Variants in MRTFB observed in about 807,000 individuals in gnomAD.
The protein encoded by MRTFB is myocardin-related transcription factor B.
In MRTFB, 29 loss-of-function variants were observed where a neutral mutation model predicts 104.2. That is an observed-to-expected ratio of 0.28 (90% confidence interval 0.21 to 0.38). The LOEUF (loss-of-function observed/expected upper bound fraction) is 0.38. MRTFB is among the 10% of genes least tolerant of loss of function. The probability of loss-of-function intolerance (pLI) is 1.00; values close to 1 mark genes in which losing one functional copy is unlikely to be tolerated. For missense variants in MRTFB, 1,270 were observed against 1,341.6 expected (o/e 0.95, Z 0.83); for synonymous variants, 535 against 519.5 (o/e 1.03, Z -0.41).
At chr16:14,029,417 AAAATAT>A in the MRTFB span, among the ~76,000 whole-genome samples, 21 of 70,444 alleles carry the variant, frequency 3.0e-4, no homozygotes, top group African/African-American at 4.5e-4. Flanking sequence ...AAAAAAAAAA[AAAATAT>A]ATATATATAT....
At chr16:14,079,729 A>G (rs2034281096) in intron 2 of MRTFB, among the ~76,000 whole-genome samples, 1 of 151,842 alleles carries the variant, frequency 6.6e-6, no homozygotes, top group Non-Finnish European at 1.5e-5. Flanking sequence ...TTTTGGTGAG[A>G]TACGAACACT....
At chr16:14,071,131 C>A (rs1262678471), upstream of MRTFB, among the ~76,000 whole-genome samples, 2 of 152,278 alleles carry the variant, frequency 1.3e-5, no homozygotes, top group African/African-American at 4.8e-5. Context: ...TGGGCTTTAA[C>A]CCTTCCCAGT....
rs2043812122 is a variant in MRTFB at position 14,262,488 on chromosome 16, G to A, written c.*1044G>A. 1 of 152,206 alleles carries A rather than the reference G, an allele frequency of 6.6e-6. No individual in the cohort carries two copies. Among genetic ancestry groups the A allele is most frequent in the African/African-American group, 2.4e-5 (1 of 41,442 alleles). 9.4% of individuals were successfully genotyped at this position (152,206 alleles called of 1,614,324 possible). A position where few individuals can be genotyped will look rare whatever the true frequency, so the allele number is the denominator to read the frequency against. Reference sequence around the variant, plus strand: ...AGGGGAAGGTCTGTCATCTACCCAGGACATTCCCATGATGAGTACAGGTCA... The same window carrying A: ...AGGGGAAGGTCTGTCATCTACCCAGAACATTCCCATGATGAGTACAGGTCA... On this transcript the variant is annotated 3_prime_UTR_variant, in exon 17 of 17. Transcript: ENST00000571589.
chr16:14,070,358 TACAA>T (rs1328357141), upstream of MRTFB, among the ~76,000 whole-genome samples: 1 of 152,234 alleles, frequency 6.6e-6, no homozygotes, highest in Non-Finnish European at 1.5e-5. Context: ...CCTTCCTCTT[TACAA>T]ACAATTATTA....
At chr16:14,000,057 G>A in the MRTFB span, among the ~76,000 whole-genome samples, 4 of 152,170 alleles carry the variant, frequency 2.6e-5, no homozygotes, top group Admixed American at 1.3e-4. Flanking sequence ...GGAGGAGAGG[G>A]TGCCTGTTTC....
chr16:14,213,058 C>T (rs936141115), intron 5 of MRTFB, among the ~76,000 whole-genome samples: 2 of 152,132 alleles, frequency 1.3e-5, no homozygotes, highest in Non-Finnish European at 2.9e-5. Flanking sequence ...TGATTTCTTA[C>T]AGTCTTATAA....
At chr16:14,158,432 A>G (rs1229304028) in intron 3 of MRTFB, among the ~76,000 whole-genome samples, 1 of 152,224 alleles carries the variant, frequency 6.6e-6, no homozygotes, top group African/African-American at 2.4e-5. Flanking sequence ...AAAACCTATA[A>G]ATTGAGGGTC....
At chr16:14,098,992 C>T (rs2035547082) in intron 2 of MRTFB, among the ~76,000 whole-genome samples, 1 of 152,178 alleles carries the variant, frequency 6.6e-6, no homozygotes, top group South Asian at 2.1e-4. Flanking sequence ...TATAATGAGT[C>T]TTGAAATCTA....
At chr16:14,093,268 G>A (rs1477599544) in intron 2 of MRTFB, among the ~76,000 whole-genome samples, 5 of 151,144 alleles carry the variant, frequency 3.3e-5, no homozygotes, top group Admixed American at 1.3e-4. Context: ...ACAAATTAAA[G>A]CATAAATACA....
the MRTFB span, among the ~76,000 whole-genome samples, chr16:14,027,236 T>G: frequency 7.9e-5 from 12 of 152,142 alleles, no homozygotes; most frequent in Admixed American, 7.2e-4. Context: ...ACAATTTGAG[T>G]GAACCTCAAG....
chr16:14,222,069 C>T lies in MRTFB; in HGVS notation c.693+3071C>T, dbSNP rs140849823. ...TGCTGGGATTACAGGAATGAGCCGC[C>T]GCACCTGGCCCATTTAATTTTCGAT... On this transcript the variant is annotated intron_variant, in intron 8 of 16. Coordinates refer to ENST00000571589, the MANE Select transcript of MRTFB (RefSeq NM_001308142.2). Among the ~76,000 whole-genome samples the T allele has an allele frequency of 4.1e-3, 620 of 152,128 alleles. 2 individuals are homozygous for T. Among genetic ancestry groups the T allele is most frequent in the South Asian group, 8.7e-3 (42 of 4,808 alleles).
rs368353587 is a variant in MRTFB at position 14,240,521 on chromosome 16, T to C, written c.1079+37T>C. On this transcript the variant is annotated intron_variant, in intron 10 of 16. Coordinates refer to ENST00000571589, the MANE Select transcript of MRTFB (RefSeq NM_001308142.2). ...CCCATGCTATCCTCAACGCGGGGTT[T>C]TCTGTGGTTTTTTATGAGGAACTAT... 18 of 1,614,180 alleles carry C rather than the reference T, an allele frequency of 1.1e-5. No homozygotes were observed. The East Asian group carries it at 3.1e-4, about 28-fold the overall frequency.
At chr16:14,043,475 T>G in the MRTFB span, among the ~76,000 whole-genome samples, 1 of 152,146 alleles carries the variant, frequency 6.6e-6, no homozygotes. Context: ...GGATGCCAGC[T>G]GCTAGCATGT....
chr16:14,157,079 G>A (rs760308293), intron 3 of MRTFB, among the ~76,000 whole-genome samples: 2 of 152,118 alleles, frequency 1.3e-5, no homozygotes, highest in Non-Finnish European at 2.9e-5. Flanking sequence ...TCTATAGTTT[G>A]CATTTTTCAT....
intron 10 of MRTFB, chr16:14,241,029 A>C: frequency 2.0e-6 from 1 of 500,652 alleles, no homozygotes; most frequent in Admixed American, 3.8e-5. Flanking sequence ...GAATCTGATT[A>C]ATTTTTAAGT....
the MRTFB span, among the ~76,000 whole-genome samples, chr16:13,999,793 A>G: frequency 1.3e-5 from 2 of 152,298 alleles, no homozygotes; most frequent in African/African-American, 2.4e-5. Flanking sequence ...GGCCTCCACC[A>G]GTTAAATGCT....
At chr16:14,150,994 A>C (rs1298435213) in intron 3 of MRTFB, 2 of 152,198 alleles carry the variant, frequency 1.3e-5, no homozygotes, top group Non-Finnish European at 1.5e-5. Flanking sequence ...TTTTACTTCT[A>C]TGTGCAATTT....
At chr16:14,201,426 G>A (rs916397990) in intron 3 of MRTFB, among the ~76,000 whole-genome samples, 1 of 152,184 alleles carries the variant, frequency 6.6e-6, no homozygotes, top group Non-Finnish European at 1.5e-5. Context: ...TGGTAAGAGT[G>A]AGCACTTTGG....
At chr16:14,053,287 T>C in the MRTFB span, among the ~76,000 whole-genome samples, 1 of 152,182 alleles carries the variant, frequency 6.6e-6, no homozygotes, top group East Asian at 1.9e-4. Flanking sequence ...ATTTATATCA[T>C]GTATATGTAC....
Sources: allele counts gnomAD v4.1 joint callset (sites outside exome capture counted in the v4.1 genomes callset), GRCh38; gene constraint gnomAD v4.1.1; transcripts MANE v1.5; gene names NCBI Gene and HGNC (gene_info 2026-07-23, HGNC 2026-07-21).